The following LARGE1 variants were observed in gnomAD, a reference collection of about 807,000 sequenced individuals.
The protein encoded by LARGE1 is xylosyl- and glucuronyltransferase LARGE1.
LARGE1 carries 43 observed loss-of-function variants against 87.6 expected under a neutral mutation model. The observed-to-expected ratio is 0.49, with a 90% CI of 0.38 to 0.63. The LOEUF is 0.63. LARGE1 is among the 30% of genes least tolerant of loss of function. LARGE1 has a pLI of 0.00. For missense variants in LARGE1, 802 were observed against 1,000.2 expected, an observed-to-expected ratio of 0.80 and a Z score of 2.67; for synonymous variants, 434 against 394.6, an observed-to-expected ratio of 1.10 and a Z score of -1.18.
At chr22:33,440,619 T>C (rs1026634114) in intron 6 of LARGE1, among the ~76,000 whole-genome samples, 1 of 152,230 alleles carries the variant, frequency 6.6e-6, no homozygotes, top group African/African-American at 2.4e-5. Flanking sequence ...GAGTGCAGGA[T>C]GTCTGTAAGT....
intron 2 of LARGE1, among the ~76,000 whole-genome samples, chr22:33,734,754 C>G (rs1466390486): frequency 6.6e-6 from 1 of 152,054 alleles, no homozygotes; most frequent in East Asian, 1.9e-4. Flanking sequence ...GGAAAGTCAT[C>G]ACAAAGACCT....
At chr22:33,454,217 C>T (rs1436172361) in intron 6 of LARGE1, among the ~76,000 whole-genome samples, 1 of 152,014 alleles carries the variant, frequency 6.6e-6, no homozygotes, top group East Asian at 1.9e-4. Flanking sequence ...TACCATAAAC[C>T]CAATAATTAC....
At chr22:33,310,843 T>G (rs1206434271) in intron 11 of LARGE1, among the ~76,000 whole-genome samples, 1 of 152,148 alleles carries the variant, frequency 6.6e-6, no homozygotes, top group Admixed American at 6.6e-5. Context: ...ACTGTCCTGA[T>G]GGTGATACAT....
chr22:33,554,114 G>A (rs912914648), intron 6 of LARGE1, among the ~76,000 whole-genome samples: 14 of 152,152 alleles, frequency 9.2e-5, no homozygotes, highest in Admixed American at 2.6e-4. Context: ...GACACAATCA[G>A]GGTGAGTCCA....
intron 1 of LARGE1, among the ~76,000 whole-genome samples, chr22:33,826,719 C>T (rs2062800373): frequency 6.6e-6 from 1 of 152,094 alleles, no homozygotes; most frequent in Admixed American, 6.6e-5. Flanking sequence ...TCTCAGGATC[C>T]TTAACTTAAC....
At chr22:33,180,861 C>T (rs906846059) in intron 11 of LARGE1, among the ~76,000 whole-genome samples, 5 of 152,016 alleles carry the variant, frequency 3.3e-5, no homozygotes, top group African/African-American at 1.2e-4. Context: ...ATATGAAATA[C>T]CAAGAATAGG....
chr22:33,686,267 C>T (rs747569734), intron 2 of LARGE1, among the ~76,000 whole-genome samples: 5 of 151,856 alleles, frequency 3.3e-5, no homozygotes, highest in Admixed American at 6.6e-5. Flanking sequence ...TCTGTCTGAC[C>T]GCCCTCTTTC....
At chr22:33,899,201 C>T (rs533985414) in intron 1 of LARGE1, among the ~76,000 whole-genome samples, 2 of 152,280 alleles carry the variant, frequency 1.3e-5, no homozygotes, top group African/African-American at 2.4e-5. Flanking sequence ...AGAACTTCAT[C>T]GCCCACCTGT....
intron 7 of LARGE1, among the ~76,000 whole-genome samples, chr22:33,399,294 G>A (rs2065859784): frequency 6.6e-6 from 1 of 152,072 alleles, no homozygotes; most frequent in Admixed American, 6.6e-5. Flanking sequence ...CTTCATCCAT[G>A]TCCCTGCAAA....
At chr22:33,318,903 A>G (rs544214343) in intron 10 of LARGE1, among the ~76,000 whole-genome samples, 1 of 152,318 alleles carries the variant, frequency 6.6e-6, no homozygotes, top group Admixed American at 6.5e-5. Flanking sequence ...TGTTTTTCCA[A>G]GAAGGTGTAC....
At chr22:33,338,758 T>C (rs541505383) in intron 9 of LARGE1, among the ~76,000 whole-genome samples, 3 of 152,092 alleles carry the variant, frequency 2.0e-5, no homozygotes, top group Non-Finnish European at 4.4e-5. Flanking sequence ...GCCAGAGACA[T>C]AGGACACTGG....
Position 33,503,277 on chromosome 22 carries a change from G to C in LARGE1, c.787+61571C>G, listed in dbSNP as rs1385475672. ...TTTTTTTGTTTTTTTTTTTGTTTGAGATGGAGTCTTGCTCTGTTGCCCAGG... is the reference window on the plus strand; with the variant it reads ...TTTTTTTGTTTTTTTTTTTGTTTGACATGGAGTCTTGCTCTGTTGCCCAGG... On this transcript the variant is annotated intron_variant, in intron 6 of 14. Coordinates refer to ENST00000397394, the MANE Select transcript of LARGE1 (RefSeq NM_133642.5). 2.8e-5 allele frequency among the ~76,000 whole-genome samples: 4 copies of C among 143,838 alleles called. No individual in the cohort carries two copies. The East Asian group carries it at 8.3e-4, about 30-fold the overall frequency. The allele number at this position is 143,838 out of a possible 152,430, so 94.4% of individuals were successfully genotyped here.
At chr22:33,474,086 T>C (rs943223779) in intron 6 of LARGE1, among the ~76,000 whole-genome samples, 1 of 152,218 alleles carries the variant, frequency 6.6e-6, no homozygotes, top group Non-Finnish European at 1.5e-5. Context: ...GGTTACTAAA[T>C]CTGGATAATC....
At chr22:33,077,593 C>G in the LARGE1 span, among the ~76,000 whole-genome samples, 1 of 152,008 alleles carries the variant, frequency 6.6e-6, no homozygotes, top group Admixed American at 6.6e-5. Context: ...GATGAATTTC[C>G]AATATTTTAA....
downstream of LARGE1, among the ~76,000 whole-genome samples, chr22:33,161,688 T>C (rs563599671): frequency 3.3e-5 from 5 of 152,348 alleles, no homozygotes; most frequent in Middle Eastern, 3.4e-3. Flanking sequence ...ATTGTGGTCA[T>C]GCTGATGCAA....
the LARGE1 span, among the ~76,000 whole-genome samples, chr22:33,143,315 C>A: frequency 1.3e-5 from 2 of 152,078 alleles, no homozygotes. Flanking sequence ...TTTAGCTATT[C>A]TGGTTAAAAA....
intron 2 of LARGE1, chr22:33,725,723 G>A (rs961531110): frequency 3.9e-5 from 6 of 152,156 alleles, no homozygotes; most frequent in African/African-American, 1.4e-4. Context: ...TTTTCCACTT[G>A]CCTCTCACGG....
Position 33,432,124 on chromosome 22 carries a change from C to T in LARGE1, c.892+37G>A, listed in dbSNP as rs2067101827. The stretch of plus-strand genomic sequence containing the variant: ...AAGGAGCACTGGGTCCTCATATCAC[C>T]TTCTGCAACTCTTCCCATACCACCC... On this transcript the variant is annotated intron_variant, in intron 7 of 14. Coordinates refer to ENST00000397394, the MANE Select transcript of LARGE1 (RefSeq NM_133642.5). 4.5e-6 allele frequency: 7 copies of T among 1,538,626 alleles called. No individual in the cohort carries two copies. The South Asian group carries it at 5.6e-5, about 12-fold the overall frequency.
At chr22:33,797,558 G>A (rs117356400) in intron 1 of LARGE1, among the ~76,000 whole-genome samples, 2 of 152,282 alleles carry the variant, frequency 1.3e-5, no homozygotes, top group Non-Finnish European at 2.9e-5. Context: ...GGAGGCAGAG[G>A]AGAAGCACAT....
Sources: gnomAD v4.1 joint callset for allele counts (sites outside exome capture counted in the v4.1 genomes callset) on GRCh38, gnomAD v4.1.1 for gene constraint, MANE v1.5 for transcripts, NCBI Gene and HGNC (gene_info 2026-07-23, HGNC 2026-07-21) for gene names.